ZSCAN32: variants seen among roughly 807,000 people sequenced by gnomAD.
ZSCAN32 encodes zinc finger and SCAN domain containing 32, also known as zinc finger and SCAN domain-containing protein 32.
In ZSCAN32, 52 loss-of-function variants were observed where a neutral mutation model predicts 47.4. The ratio of observed to expected loss-of-function variants is 1.10; its 90% CI spans 0.88 to 1.38. The LOEUF (loss-of-function observed/expected upper bound fraction) is 1.38, where lower values mean the gene tolerates loss of function less well. Ranked by LOEUF, ZSCAN32 falls within the 40% of genes most tolerant of loss-of-function variation. The pLI is 0.00. For missense variants in ZSCAN32, 959 were observed against 846.0 expected (o/e 1.13, Z -1.66); for synonymous variants, 346 against 305.7 (o/e 1.13, Z -1.38).
intron 5 of ZSCAN32, among the ~76,000 whole-genome samples, chr16:3,385,287 C>A (rs1274515521): frequency 6.6e-6 from 1 of 152,172 alleles, no homozygotes; most frequent in Admixed American, 6.5e-5. Context: ...GATTGTGCCA[C>A]TGCACTCCAG....
At position 3,382,498 on chromosome 16, in the gene ZSCAN32, T is replaced by C. The variant is rs761433599; in HGVS notation, c.*354A>G. 5.6e-5 allele frequency: 10 copies of C among 178,240 alleles called. No individual in the cohort carries two copies. The highest frequency in any genetic ancestry group is 1.2e-4 in the Non-Finnish European group (10 of 85,600). The allele number at this position is 178,240 out of a possible 1,614,324, so 11.0% of individuals were successfully genotyped here. On this transcript the variant is annotated 3_prime_UTR_variant, in exon 7 of 7. Transcript: ENST00000396852. ...TGTGCTTTCCAGGAAAGGAGACACT[T>C]TCTTTCTCAGCCCTGTGTGAGGACT...
At position 3,393,684 on chromosome 16, in the gene ZSCAN32, T is replaced by C. The variant is rs1290661449; in HGVS notation, c.497A>G (p.Gln166Arg). The stretch of plus-strand genomic sequence containing the variant: ...TTCCCCTGGTCTTTGGTGTGAGCTC[T>C]GTGATCCCTTAAAAGTCGGTTCCTC... Reference protein sequence around the residue: ...QPEEPTFKGSQSSHQRPGEQS... With the variant: ...QPEEPTFKGSRSSHQRPGEQS... The change falls in exon 3 of 7, where the codon CAG becomes CGG. Residue 166 changes from glutamine (Q) to arginine (R), a missense_variant. Physicochemically the swap from Gln to Arg is conservative, Grantham distance 43 (BLOSUM62 1). Coordinates refer to ENST00000396852, the MANE Select transcript of ZSCAN32 (RefSeq NM_001284527.2). 1.9e-6 allele frequency: 3 copies of C among 1,549,756 alleles called. No individual in the cohort carries two copies. Among genetic ancestry groups the C allele is most frequent in the Non-Finnish European group, 8.7e-7 (1 of 1,146,868 alleles).
chr16:3,400,814 C>T (rs776025142), intron 1 of ZSCAN32, 131 bp downstream of exon 1: 2 of 152,250 alleles, frequency 1.3e-5, no homozygotes, highest in African/African-American at 2.4e-5. Context: ...GGGAGGCTGC[C>T]TGTCCCAAGG....
chr16:3,391,387 A>C (rs2032674550), intron 3 of ZSCAN32, among the ~76,000 whole-genome samples: 1 of 152,184 alleles, frequency 6.6e-6, no homozygotes, highest in Non-Finnish European at 1.5e-5. Context: ...TTAAAAAAAA[A>C]CTAAAATCAG....
Position 3,393,713 on chromosome 16 carries a change from C to T in ZSCAN32, c.468G>A (p.Gln156=). 1 of 1,550,466 alleles carries T rather than the reference C, an allele frequency of 6.4e-7. No homozygotes were observed. The highest frequency in any genetic ancestry group is 8.7e-7 in the Non-Finnish European group (1 of 1,146,958). Residue 156 remains glutamine (Q), a synonymous_variant, in exon 3 of 7, where the codon CAG becomes CAA. Transcript: ENST00000396852. Reference sequence around the variant, plus strand: ...ATCCCTTAAAAGTCGGTTCCTCTGGCTGAACCTCCTGTTTCCATTGGGATC... The same window carrying T: ...ATCCCTTAAAAGTCGGTTCCTCTGGTTGAACCTCCTGTTTCCATTGGGATC... ...SLRSQWKQEV[Q]PEEPTFKGSQ...
intron 1 of ZSCAN32, among the ~76,000 whole-genome samples, chr16:3,399,829 C>T (rs892610355): frequency 2.1e-4 from 32 of 152,232 alleles, no homozygotes; most frequent in African/African-American, 7.7e-4. Context: ...TGGTCTCAAA[C>T]TCCTGTGCTC....
rs1233990986 is a variant in ZSCAN32 at position 3,397,683 on chromosome 16, G to C, written c.-126C>G. The C allele has an allele frequency of 4.7e-6, 6 of 1,270,826 alleles. No homozygotes were observed. The South Asian group carries it at 8.0e-5, about 17-fold the overall frequency. The allele number at this position is 1,270,826 out of a possible 1,614,324, so 78.7% of individuals were successfully genotyped here. On this transcript the variant is annotated 5_prime_UTR_variant, in exon 2 of 7. Transcript: ENST00000396852. The stretch of plus-strand genomic sequence containing the variant: ...TGTCTTTCTGTAATCCGTGGGACAT[G>C]AGAGTGTCAGACATGTGTAGAGACT...
chr16:3,384,420 T>C, intron 6 of ZSCAN32, 39 bp downstream of exon 6: 1 of 1,611,614 alleles, frequency 6.2e-7, no homozygotes, highest in Middle Eastern at 1.7e-4. Context: ...TAAAGTGGAC[T>C]TTGCCATCCT....
Position 3,384,485 on chromosome 16 carries a change from A to G in ZSCAN32, c.1208T>C (p.Leu403Pro), listed in dbSNP as rs750793331. The G allele has an allele frequency of 6.2e-7, 1 of 1,614,180 alleles. No homozygotes were observed. Among genetic ancestry groups the G allele is most frequent in the Non-Finnish European group, 8.5e-7 (1 of 1,180,034 alleles). The change falls in exon 6 of 7, where the codon CTG becomes CCG. Residue 403 changes from leucine to proline, a missense_variant. Coordinates refer to ENST00000396852, the MANE Select transcript of ZSCAN32 (RefSeq NM_001284527.2). ...NPGQEVRKLD[L>P]PVLFPNRLGF... ...AAGTCTGTTTGGGAACAGCACTGGC[A>G]GGTCTAGTTTCCTGACTTCCTGGCC...
At chr16:3,393,232 T>TTCTATATATAGAAA (rs1555474408) in intron 3 of ZSCAN32, among the ~76,000 whole-genome samples, 2 of 8,594 alleles carry the variant, frequency 2.3e-4, no homozygotes, top group Non-Finnish European at 1.9e-4. Flanking sequence ...ATATATAAAT[T>TTCTATATATAGAAA]TATATATTTT....
intron 2 of ZSCAN32, among the ~76,000 whole-genome samples, chr16:3,395,867 G>A (rs2150904941): frequency 6.6e-6 from 1 of 152,286 alleles, no homozygotes; most frequent in Admixed American, 6.5e-5. Flanking sequence ...GCATGGTGGT[G>A]TGCACCTGTA....
Position 3,386,269 on chromosome 16 carries a change from A to G in ZSCAN32, c.752-1328T>C, listed in dbSNP as rs545833818. ...CCATCTCACACCAGTTAGAATGGCAATCATTAAAAAGTCAGGAAACAACAG... is the reference window on the plus strand; with the variant it reads ...CCATCTCACACCAGTTAGAATGGCAGTCATTAAAAAGTCAGGAAACAACAG... On this transcript the variant is annotated intron_variant, in intron 5 of 6. Coordinates refer to ENST00000396852, the MANE Select transcript of ZSCAN32 (RefSeq NM_001284527.2). 3.3e-5 allele frequency among the ~76,000 whole-genome samples: 5 copies of G among 152,332 alleles called. No individual in the cohort carries two copies. The East Asian group carries it at 9.6e-4, about 29-fold the overall frequency.
chr16:3,388,516 G>A (rs1436999121), intron 5 of ZSCAN32, among the ~76,000 whole-genome samples: 3 of 152,164 alleles, frequency 2.0e-5, no homozygotes, highest in African/African-American at 7.2e-5. Flanking sequence ...GCTATGGTCT[G>A]TCTCTTCCCA....
Position 3,383,637 on chromosome 16 carries a change from C to G in ZSCAN32, c.1309G>C (p.Ala437Pro), listed in dbSNP as rs751289714. Reference sequence around the variant, plus strand: ...ACTCCTCTGGACTTTCTCTGTAAAGCCTTGTTTATTTCTACTTCCTCTGAA... The same window carrying G: ...ACTCCTCTGGACTTTCTCTGTAAAGGCTTGTTTATTTCTACTTCCTCTGAA... ...DDSEEVEINK[A>P]LQRKSRGVYW... The change falls in exon 7 of 7, where the codon GCT becomes CCT. Residue 437 changes from alanine to proline, a missense_variant. Ala to Pro is a conservative substitution (Grantham distance 27). Transcript: ENST00000396852. The G allele has an allele frequency of 1.2e-6, 2 of 1,612,624 alleles. No homozygotes were observed. The highest frequency in any genetic ancestry group is 1.7e-6 in the Non-Finnish European group (2 of 1,179,988).
In ZSCAN32 at chr16:3,393,742, G is replaced by A; in HGVS notation, c.439C>T (p.Leu147=). 6.4e-7 allele frequency: 1 copy of A among 1,550,444 alleles called. No homozygotes were observed. Among genetic ancestry groups the A allele is most frequent in the South Asian group, 1.2e-5 (1 of 84,054 alleles). ...MAPLGATRES[L]RSQWKQEVQP... ...ACCTCCTGTTTCCATTGGGATCTCA[G>A]TGATTCTCTGGTTGCTCCCAAAGGG... The change falls in exon 3 of 7, where the codon CTG becomes TTG. Residue 147 remains leucine (L), a synonymous_variant. Transcript: ENST00000396852.
intron 3 of ZSCAN32, 144 bp downstream of exon 3, chr16:3,393,505 G>A (rs565859672): frequency 2.0e-5 from 15 of 747,334 alleles, no homozygotes; most frequent in East Asian, 1.5e-4. Flanking sequence ...GATTACAGGC[G>A]TGAGCCAACA....
In ZSCAN32 at chr16:3,382,720, T is replaced by C; in HGVS notation, c.*132A>G. The C allele has an allele frequency of 7.0e-7, 1 of 1,425,354 alleles. No individual in the cohort carries two copies. Among genetic ancestry groups the C allele is most frequent in the Non-Finnish European group, 9.3e-7 (1 of 1,075,312 alleles). The allele number at this position is 1,425,354 out of a possible 1,614,324, so 88.3% of individuals were successfully genotyped here. A position where few individuals can be genotyped will look rare whatever the true frequency, so the allele number is the denominator to read the frequency against. ...GCGTCCTTATGCTGACTCCTGGTCC[T>C]AGACATGGGTCTTAAGATCCAGTAG... is the stretch of plus-strand genomic sequence containing the variant. On this transcript the variant is annotated 3_prime_UTR_variant, in exon 7 of 7. Transcript: ENST00000396852.
At chr16:3,395,940 G>C (rs1350404767) in intron 2 of ZSCAN32, among the ~76,000 whole-genome samples, 1 of 152,228 alleles carries the variant, frequency 6.6e-6, no homozygotes, top group Non-Finnish European at 1.5e-5. Context: ...TGAGACTGCA[G>C]TGAGCCGCAT....
chr16:3,397,261 C>T lies in ZSCAN32; in HGVS notation c.297G>A (p.Glu99=). ...LPEEIQTWVR[E]QHPENGEEAV... ...CTTCCTCGCCGTTTTCTGGATGCTG[C>T]TCCCTCACCCAGGTCTGGATCTCCT... The change falls in exon 2 of 7, where the codon GAG becomes GAA. Residue 99 remains glutamate, a synonymous_variant. Coordinates refer to ENST00000396852, the MANE Select transcript of ZSCAN32 (RefSeq NM_001284527.2). 1 of 1,567,416 alleles carries T rather than the reference C, an allele frequency of 6.4e-7. No homozygotes were observed. The highest frequency in any genetic ancestry group is 8.6e-7 in the Non-Finnish European group (1 of 1,156,228).
Sources: gnomAD v4.1 joint callset for allele counts (sites outside exome capture counted in the v4.1 genomes callset) on GRCh38, gnomAD v4.1.1 for gene constraint, MANE v1.5 for transcripts, NCBI Gene and HGNC (gene_info 2026-07-23, HGNC 2026-07-21) for gene names.